FER: variants seen among roughly 807,000 people sequenced by gnomAD.
FER encodes the protein FER tyrosine kinase.
A neutral mutation model predicts 111.0 loss-of-function variants in FER; 63 were observed. The observed-to-expected ratio is 0.57, with a 90% confidence interval of 0.46 to 0.70. The LOEUF is 0.70. Among genes scored for constraint, FER ranks in the 30% least tolerant of loss-of-function variants. The probability of loss-of-function intolerance (pLI) is 0.00; values close to 1 mark genes in which losing one functional copy is unlikely to be tolerated. For missense variants in FER, 914 were observed against 954.0 expected (o/e 0.96, Z 0.55); for synonymous variants, 327 against 313.9 (o/e 1.04, Z -0.44).
At chr5:109,052,382 GC>G (rs902710916) in intron 16 of FER, 94 of 1,566,654 alleles carry the variant, frequency 6.0e-5, no homozygotes, top group Non-Finnish European at 8.2e-5. Context: ...AGTACTGACA[GC>G]CACACCTTCC....
intron 10 of FER, among the ~76,000 whole-genome samples, chr5:108,932,652 T>C (rs191031465): frequency 6.6e-6 from 1 of 152,296 alleles, no homozygotes; most frequent in Admixed American, 6.5e-5. Flanking sequence ...TGGAGAAACG[T>C]GTTCCTGTTT....
At chr5:108,883,571 A>G (rs1765887343) in intron 9 of FER, 53 bp downstream of exon 9, 1 of 1,468,370 alleles carries the variant, frequency 6.8e-7, no homozygotes, top group Non-Finnish European at 9.1e-7. Flanking sequence ...TAATTTTACA[A>G]AAATATTTTA....
In FER at chr5:109,105,187, G is replaced by T. The variant is rs553732718; in HGVS notation, c.2048+4668G>T. ...GATTTCTAATAAGGATTACCTATGT[G>T]TACTTTTTTAGTTAAATGTAAGATA... On this transcript the variant is annotated intron_variant, in intron 17 of 19. Transcript: ENST00000281092. 2.0e-4 allele frequency among the ~76,000 whole-genome samples: 31 copies of T among 151,480 alleles called. No homozygotes were observed. The South Asian group carries it at 5.0e-3, about 24-fold the overall frequency.
At chr5:108,844,091 AACATATGTGTGTGAACATGTGTGTGAAC>A (rs1267519953) in intron 5 of FER, among the ~76,000 whole-genome samples, 1 of 121,438 alleles carries the variant, frequency 8.2e-6, no homozygotes. Context: ...TATGCGTGTG[AACATATGTGTGTGAACATGTGTGTGAAC>A]ACATATATGT....
chr5:108,778,913 G>A (rs758709775), intron 2 of FER, among the ~76,000 whole-genome samples: 1 of 151,806 alleles, frequency 6.6e-6, no homozygotes, highest in Non-Finnish European at 1.5e-5. Flanking sequence ...TTTCTCCTAT[G>A]TTGTCCTCTA....
At chr5:108,762,816 C>A (rs548567183) in intron 1 of FER, among the ~76,000 whole-genome samples, 1 of 152,320 alleles carries the variant, frequency 6.6e-6, no homozygotes, top group East Asian at 1.9e-4. Context: ...GAATGCCCTT[C>A]TTCCAGATAG....
At chr5:109,081,973 G>A (rs1777036670) in intron 16 of FER, among the ~76,000 whole-genome samples, 1 of 151,854 alleles carries the variant, frequency 6.6e-6, no homozygotes, top group South Asian at 2.1e-4. Flanking sequence ...GAAGGTTTCT[G>A]AACCATTATA....
intron 6 of FER, among the ~76,000 whole-genome samples, chr5:108,870,532 A>T (rs1465860481): frequency 6.6e-6 from 1 of 152,168 alleles, no homozygotes; most frequent in African/African-American, 2.4e-5. Flanking sequence ...GAAACAATTT[A>T]AATCTCAGTT....
chr5:109,183,076 C>T (rs962467305), intron 18 of FER, among the ~76,000 whole-genome samples: 1 of 152,006 alleles, frequency 6.6e-6, no homozygotes, highest in Admixed American at 6.6e-5. Flanking sequence ...AAACGTAGAA[C>T]AATTTAGATG....
chr5:108,914,231 C>CTGTGTGTG (rs35365353), intron 10 of FER, among the ~76,000 whole-genome samples: 8 of 141,140 alleles, frequency 5.7e-5, no homozygotes, highest in Non-Finnish European at 9.4e-5. Flanking sequence ...ACTTGTCTCT[C>CTGTGTGTG]TGTGTGTGTG....
At chr5:109,007,100 A>T (rs553946576) in intron 13 of FER, among the ~76,000 whole-genome samples, 1 of 152,278 alleles carries the variant, frequency 6.6e-6, no homozygotes, top group South Asian at 2.1e-4. Flanking sequence ...AAAATTGAGA[A>T]ATTATTTATG....
At chr5:109,075,543 C>A (rs920214565) in intron 16 of FER, among the ~76,000 whole-genome samples, 4 of 151,774 alleles carry the variant, frequency 2.6e-5, no homozygotes, top group Admixed American at 6.6e-5. Context: ...CCTGCCTCAG[C>A]CTCCTGAGTA....
intron 13 of FER, among the ~76,000 whole-genome samples, chr5:108,997,257 A>AT (rs1376040387): frequency 2.0e-5 from 3 of 149,222 alleles, no homozygotes; most frequent in African/African-American, 7.4e-5. Context: ...AAAAAAAAAA[A>AT]TACAAAAAAA....
chr5:108,868,193 G>T (rs564268516), intron 6 of FER, among the ~76,000 whole-genome samples: 84 of 151,884 alleles, frequency 5.5e-4, no homozygotes, highest in African/African-American at 1.6e-3. Flanking sequence ...TTCCTTAGCT[G>T]GAAATTTAAA....
chr5:109,187,410 T>C (rs1431120553), intron 19 of FER, 23 bp from the exon 20 acceptor site: 6 of 1,608,066 alleles, frequency 3.7e-6, no homozygotes, highest in African/African-American at 1.3e-5. Context: ...CTAAATTCTG[T>C]TCTCCTTCTC....
chr5:109,063,270 T>C (rs1327247257), intron 16 of FER, among the ~76,000 whole-genome samples: 1 of 152,196 alleles, frequency 6.6e-6, no homozygotes, highest in African/African-American at 2.4e-5. Flanking sequence ...ATCCTTCCCA[T>C]TTATTGTGAA....
intron 1 of FER, among the ~76,000 whole-genome samples, chr5:108,752,269 A>G (rs1302782655): frequency 2.0e-5 from 3 of 152,018 alleles, no homozygotes; most frequent in Non-Finnish European, 4.4e-5. Context: ...GTTTGATTAT[A>G]AATGTTAAAT....
chr5:109,146,033 A>G (rs1057055802), intron 17 of FER, among the ~76,000 whole-genome samples: 1 of 151,358 alleles, frequency 6.6e-6, no homozygotes, highest in Non-Finnish European at 1.5e-5. Flanking sequence ...CGTACAGATG[A>G]CATACCAGGC....
At chr5:108,966,785 T>C (rs1759906344) in intron 13 of FER, among the ~76,000 whole-genome samples, 1 of 152,160 alleles carries the variant, frequency 6.6e-6, no homozygotes, top group African/African-American at 2.4e-5. Context: ...ATTTCTGATA[T>C]GAACATGGAT....
Sources: gnomAD v4.1 joint callset for allele counts (sites outside exome capture counted in the v4.1 genomes callset) on GRCh38, gnomAD v4.1.1 for gene constraint, MANE v1.5 for transcripts, NCBI Gene and HGNC (gene_info 2026-07-23, HGNC 2026-07-21) for gene names.